The following ATR variants were observed in gnomAD, a reference collection of about 807,000 sequenced individuals.
The protein encoded by ATR is serine/threonine-protein kinase ATR.
ATR carries 142 observed loss-of-function variants against 305.3 expected under a neutral mutation model. The ratio of observed to expected loss-of-function variants is 0.47; its 90% confidence interval spans 0.41 to 0.53. The LOEUF (loss-of-function observed/expected upper bound fraction) is 0.53, where lower values mean the gene tolerates loss of function less well. ATR is among the 20% of genes least tolerant of loss of function. The pLI is 0.00. For missense variants in ATR, 2,135 were observed against 3,133.1 expected (o/e 0.68, Z 7.60); for synonymous variants, 1,050 against 1,068.1 (o/e 0.98, Z 0.33).
At position 142,540,929 on chromosome 3, in the gene ATR, C is replaced by G. The variant is rs1475055423; in HGVS notation, c.3556G>C (p.Asp1186His). 4 of 1,612,914 alleles carry G rather than the reference C, an allele frequency of 2.5e-6. No homozygotes were observed. The highest frequency in any genetic ancestry group is 3.4e-6 in the Non-Finnish European group (4 of 1,179,488). The change falls in exon 18 of 47, where the codon GAT (aspartate) becomes CAT (histidine). Residue 1186 changes from aspartate to histidine, a missense_variant. By Grantham distance (81) the Asp-to-His change is moderately conservative (BLOSUM62 -1). Transcript: ENST00000350721. Reference sequence around the variant, plus strand: ...CTGCAACACAATTCAGGAAAATCATCCTTGAATCGAAGGCCAGTTCTCAGT... The same window carrying G: ...CTGCAACACAATTCAGGAAAATCATGCTTGAATCGAAGGCCAGTTCTCAGT... ...TTLRTGLRFK[D>H]DFPELCCRAW...
In ATR at chr3:142,452,704, A is replaced by C. The variant is rs1006819844; in HGVS notation, c.7761+424T>G. On this transcript the variant is annotated intron_variant, in intron 46 of 46. Transcript: ENST00000350721. ...CAACAACCACCACCACCACCACAAC[A>C]ACAACAACAAAACTATCTGCAAACT... 8.5e-6 allele frequency: 9 copies of C among 1,054,424 alleles called. No individual in the cohort carries two copies. In the African/African-American group the frequency reaches 1.0e-4, roughly 12 times the overall value. 65.3% of individuals were successfully genotyped at this position (1,054,424 alleles called of 1,614,324 possible).
chr3:142,451,701 T>TC, intron 46 of ATR: 1 of 1,182,294 alleles, frequency 8.5e-7, no homozygotes, highest in Non-Finnish European at 1.1e-6. Flanking sequence ...CACCTCAGCC[T>TC]CCCAAGTAGC....
At chr3:142,466,068 A>T (rs191695577) in intron 40 of ATR, among the ~76,000 whole-genome samples, 159 of 152,168 alleles carry the variant, frequency 1.0e-3, no homozygotes, top group Middle Eastern at 3.4e-3. Flanking sequence ...TAAAGATTAT[A>T]GTCATACTAA....
At chr3:142,570,498 T>C (rs1158174522) in intron 1 of ATR, among the ~76,000 whole-genome samples, 1 of 152,200 alleles carries the variant, frequency 6.6e-6, no homozygotes, top group African/African-American at 2.4e-5. Context: ...GCGATTCTCC[T>C]GCCTCAGCCT....
intron 33 of ATR, 83 bp downstream of exon 33, chr3:142,496,930 T>G: frequency 6.9e-7 from 1 of 1,454,530 alleles, no homozygotes; most frequent in Non-Finnish European, 9.4e-7. Flanking sequence ...GACAGAAAAT[T>G]AAGAAATACA....
At chr3:142,505,408 T>G in intron 28 of ATR, 105 bp from the exon 29 acceptor site, 2 of 1,412,210 alleles carry the variant, frequency 1.4e-6, no homozygotes, top group South Asian at 2.4e-5. Flanking sequence ...TTTTGAGAAA[T>G]TTTTCCTCAA....
intron 36 of ATR, among the ~76,000 whole-genome samples, chr3:142,472,679 C>T (rs1431945352): frequency 6.6e-6 from 1 of 151,886 alleles, no homozygotes; most frequent in African/African-American, 2.4e-5. Flanking sequence ...GCTCTGTTGC[C>T]TGGGCTGGAG....
At chr3:142,559,219 G>C (rs2108479081) in intron 7 of ATR, 32 bp downstream of exon 7, 3 of 1,591,490 alleles carry the variant, frequency 1.9e-6, no homozygotes, top group Non-Finnish European at 2.6e-6. Flanking sequence ...ATCTTTAAAG[G>C]TTATTCTGAT....
rs1397985850 is a variant in ATR at position 142,566,239 on chromosome 3, T to C, written c.174A>G (p.Lys58=). Residue 58 remains lysine, a synonymous_variant, in exon 3 of 47, where the codon AAA becomes AAG. Coordinates refer to ENST00000350721, the MANE Select transcript of ATR (RefSeq NM_001184.4). ...VNVVAVELVK[K]TDSQPTSVML... is the part of the protein sequence containing the mutation. ...TCACGGAGGTTGGCTGAGAGTCAGT[T>C]TTCTTTACAAGTTCTACAGCAACTA... 14 of 1,614,012 alleles carry C rather than the reference T, an allele frequency of 8.7e-6. No homozygotes were observed. Among genetic ancestry groups the C allele is most frequent in the Non-Finnish European group, 1.2e-5 (14 of 1,179,878 alleles).
At chr3:142,548,201 T>C (rs903560228) in intron 15 of ATR, among the ~76,000 whole-genome samples, 10 of 152,204 alleles carry the variant, frequency 6.6e-5, no homozygotes, top group East Asian at 1.9e-4. Context: ...CAACTCATTA[T>C]TGGGGACACA....
At position 142,550,142 on chromosome 3, in the gene ATR, C is replaced by A; in HGVS notation, c.2966G>T (p.Arg989Leu). 2 of 1,614,012 alleles carry A rather than the reference C, an allele frequency of 1.2e-6. No individual in the cohort carries two copies. The highest frequency in any genetic ancestry group is 1.7e-6 in the Non-Finnish European group (2 of 1,179,992). The change falls in exon 14 of 47, where the codon CGT becomes CTT. Residue 989 changes from arginine (R) to leucine (L), a missense_variant. Coordinates refer to ENST00000350721, the MANE Select transcript of ATR (RefSeq NM_001184.4). ...ANVFDFPDLN[R>L]FLTRTLQVLL... ...TATGTTGCAACTTACAGTAAGAAAA[C>A]GATTAAGATCAGGAAAGTCGAAAAC... is the stretch of plus-strand genomic sequence containing the variant.
At chr3:142,500,832 A>T (rs1196321112) in intron 30 of ATR, among the ~76,000 whole-genome samples, 1 of 152,188 alleles carries the variant, frequency 6.6e-6, no homozygotes, top group East Asian at 1.9e-4. Flanking sequence ...AGACACCAAA[A>T]TATAAAAATT....
chr3:142,465,936 G>A, intron 40 of ATR: 1 of 223,478 alleles, frequency 4.5e-6, no homozygotes, highest in South Asian at 6.0e-5. Context: ...AGCCTAAGAG[G>A]CAGAGGTTGC....
chr3:142,503,028 C>T lies in ATR; in HGVS notation c.5288+334G>A, dbSNP rs139383519. ...CGTAAATCAGTCACAACCTCTAGCA[C>T]GGAAAATAAGTGGTACTGATACTGT... On this transcript the variant is annotated intron_variant, in intron 30 of 46. Transcript: ENST00000350721. 2.1e-3 allele frequency among the ~76,000 whole-genome samples: 327 copies of T among 152,272 alleles called. 4 individuals are homozygous for T. The highest frequency in any genetic ancestry group is 7.5e-3 in the African/African-American group (310 of 41,548).
At chr3:142,503,299 CACTA>C in intron 30 of ATR, 59 bp downstream of exon 30, 1 of 1,151,798 alleles carries the variant, frequency 8.7e-7, no homozygotes, top group East Asian at 2.4e-5. Flanking sequence ...TTACCCAATT[CACTA>C]ACTAAAAATT....
chr3:142,507,890 C>T (rs1443030670), intron 28 of ATR, 41 bp downstream of exon 28: 10 of 1,513,228 alleles, frequency 6.6e-6, no homozygotes, highest in Non-Finnish European at 6.4e-6. Flanking sequence ...AGACTGGCCA[C>T]ATTAATTTTC....
Position 142,553,863 on chromosome 3 carries a change from A to G in ATR, c.2494T>C (p.Leu832=). Residue 832 remains leucine (L), a synonymous_variant, in exon 11 of 47, where the codon TTG becomes CTG. Coordinates refer to ENST00000350721, the MANE Select transcript of ATR (RefSeq NM_001184.4). ...CCATCTTCAGAGTCCAAGGATTCCA[A>G]TATGTGCTTGATATTTCCACTAAAA... ...VAFSGNIKHI[L]ESLDSEDGFI... is the part of the protein sequence containing the mutation. 1 of 1,613,632 alleles carries G rather than the reference A, an allele frequency of 6.2e-7. No homozygotes were observed. Among genetic ancestry groups the G allele is most frequent in the Non-Finnish European group, 8.5e-7 (1 of 1,179,736 alleles).
At chr3:142,450,906 T>C (rs1005192616) in intron 46 of ATR, 5 of 1,251,280 alleles carry the variant, frequency 4.0e-6, no homozygotes, top group Non-Finnish European at 5.1e-6. Flanking sequence ...ATGGTGAAAA[T>C]AGCAGCTCAC....
At position 142,549,432 on chromosome 3, in the gene ATR, A is replaced by G. The variant is rs35993426; in HGVS notation, c.3171+47T>C. On this transcript the variant is annotated intron_variant, in intron 15 of 46. Transcript: ENST00000350721. ...AGAAGAATGTTACATCTTTCCTATA[A>G]TGCTAATTTATATAAAAAAGTAAAA... 23,706 of 1,282,610 alleles carry G rather than the reference A, an allele frequency of 0.018. 316 individuals carry two copies. Among genetic ancestry groups the G allele is most frequent in the South Asian group, 0.039 (2,463 of 63,476 alleles). 79.5% of individuals were successfully genotyped at this position (1,282,610 alleles called of 1,614,324 possible).
Sources: allele counts gnomAD v4.1 joint callset (sites outside exome capture counted in the v4.1 genomes callset), GRCh38; gene constraint gnomAD v4.1.1; transcripts MANE v1.5; gene names NCBI Gene and HGNC (gene_info 2026-07-23, HGNC 2026-07-21).